SHANK2: variants seen among roughly 807,000 people sequenced by gnomAD.
SHANK2 encodes the protein SH3 and multiple ankyrin repeat domains protein 2.
In SHANK2, 43 loss-of-function variants were observed where a neutral mutation model predicts 133.7. The observed-to-expected ratio is 0.32, with a 90% CI of 0.25 to 0.41. The LOEUF is 0.41. Among genes scored for constraint, SHANK2 ranks in the 10% least tolerant of loss-of-function variants. SHANK2 has a pLI of 1.00. For missense variants in SHANK2, 1,994 were observed against 2,235.8 expected, an observed-to-expected ratio of 0.89 and a Z score of 2.18; for synonymous variants, 1,017 against 952.8, an observed-to-expected ratio of 1.07 and a Z score of -1.24.
At chr11:70,876,371 T>C (rs1261333056) in intron 11 of SHANK2, among the ~76,000 whole-genome samples, 75 of 150,708 alleles carry the variant, frequency 5.0e-4, no homozygotes, top group African/African-American at 1.6e-3. Context: ...CCATCCTGGC[T>C]AACACGGTGA....
chr11:70,737,499 C>T (rs181524776), intron 14 of SHANK2, among the ~76,000 whole-genome samples: 2 of 152,252 alleles, frequency 1.3e-5, no homozygotes, highest in African/African-American at 2.4e-5. Flanking sequence ...AGACTCTGTC[C>T]GAGTTCCCCA....
At chr11:70,710,965 T>G (rs1219722500) in intron 14 of SHANK2, among the ~76,000 whole-genome samples, 1 of 152,196 alleles carries the variant, frequency 6.6e-6, no homozygotes, top group African/African-American at 2.4e-5. Context: ...TGAAGATTTA[T>G]CTGCAATCTC....
chr11:70,907,965 G>C (rs1555078280), intron 10 of SHANK2: 5 of 446,786 alleles, frequency 1.1e-5, no homozygotes, highest in Non-Finnish European at 2.3e-5. Context: ...GCCAGGCATG[G>C]TGGCACGAAC....
intron 9 of SHANK2, among the ~76,000 whole-genome samples, chr11:71,067,283 G>A (rs944922292): frequency 1.3e-5 from 2 of 152,350 alleles, no homozygotes; most frequent in Middle Eastern, 6.8e-3. Context: ...ACCCTGGCTC[G>A]TGCTGGTATC....
At chr11:71,222,980 G>A (rs782255755) in intron 2 of SHANK2, among the ~76,000 whole-genome samples, 3 of 152,244 alleles carry the variant, frequency 2.0e-5, no homozygotes, top group Non-Finnish European at 2.9e-5. Flanking sequence ...CACCCTCCAC[G>A]GAGCCGTGTC....
At chr11:71,212,989 G>T (rs1954315710) in intron 2 of SHANK2, among the ~76,000 whole-genome samples, 2 of 151,732 alleles carry the variant, frequency 1.3e-5, no homozygotes, top group South Asian at 2.1e-4. Context: ...GGGACCCCAG[G>T]GGGAGGCACA....
At chr11:71,127,571 C>A (rs1952215221) in intron 3 of SHANK2, among the ~76,000 whole-genome samples, 1 of 152,160 alleles carries the variant, frequency 6.6e-6, no homozygotes, top group Non-Finnish European at 1.5e-5. Context: ...AGACACTCCA[C>A]CAACAAAAAC....
chr11:71,095,059 T>C (rs1343215403), intron 6 of SHANK2, among the ~76,000 whole-genome samples: 6 of 152,194 alleles, frequency 3.9e-5, no homozygotes, highest in African/African-American at 1.4e-4. Context: ...AAAGCCCTCA[T>C]TAGAGATGGG....
intron 8 of SHANK2, among the ~76,000 whole-genome samples, chr11:71,078,596 C>G (rs896784402): frequency 6.6e-6 from 1 of 152,136 alleles, no homozygotes; most frequent in African/African-American, 2.4e-5. Context: ...ACTCAGACAC[C>G]GGACCAAACT....
chr11:70,636,282 CATGT>C (rs1414372806), intron 17 of SHANK2, among the ~76,000 whole-genome samples: 2 of 151,960 alleles, frequency 1.3e-5, no homozygotes, highest in Non-Finnish European at 2.9e-5. Flanking sequence ...TGTGTGTGTA[CATGT>C]ATGAGTATGT....
intron 17 of SHANK2, among the ~76,000 whole-genome samples, chr11:70,543,585 C>T (rs1235329417): frequency 6.6e-6 from 1 of 152,216 alleles, no homozygotes; most frequent in Non-Finnish European, 1.5e-5. Context: ...GGCAGGGCAT[C>T]AAAGCTGCAC....
At chr11:70,894,597 CAA>C (rs1949905842) in intron 11 of SHANK2, among the ~76,000 whole-genome samples, 1 of 152,168 alleles carries the variant, frequency 6.6e-6, no homozygotes, top group Admixed American at 6.5e-5. Context: ...GTAGCAGCCC[CAA>C]TATCTCTCAG....
intron 2 of SHANK2, among the ~76,000 whole-genome samples, chr11:71,210,300 G>A (rs1237703261): frequency 7.0e-6 from 1 of 143,430 alleles, no homozygotes; most frequent in Non-Finnish European, 1.5e-5. Flanking sequence ...CCAGGCTGGA[G>A]TGCAATAGTG....
intron 10 of SHANK2, chr11:70,933,257 A>G (rs782515576): frequency 6.6e-5 from 30 of 455,804 alleles, no homozygotes; most frequent in African/African-American, 5.4e-4. Context: ...AGTGAAATAA[A>G]CCAGTCACAA....
At chr11:70,618,141 C>CA (rs1243349367) in intron 17 of SHANK2, among the ~76,000 whole-genome samples, 4 of 151,772 alleles carry the variant, frequency 2.6e-5, no homozygotes, top group Non-Finnish European at 4.4e-5. Context: ...ACTAAAAATA[C>CA]AAAAATTAGC....
At chr11:70,673,961 G>A (rs1041491804) in intron 15 of SHANK2, among the ~76,000 whole-genome samples, 3 of 152,248 alleles carry the variant, frequency 2.0e-5, no homozygotes, top group African/African-American at 7.2e-5. Flanking sequence ...TGATCCCAAT[G>A]TTGTTGGTGG....
In SHANK2 at chr11:71,083,766, G is replaced by A. The variant is rs1032250208; in HGVS notation, c.913-8491C>T. 2.2e-4 allele frequency among the ~76,000 whole-genome samples: 33 copies of A among 152,284 alleles called. No homozygotes were observed. The East Asian group carries it at 4.2e-3, about 20-fold the overall frequency. Reference sequence around the variant, plus strand: ...GGGCCAGCGTGCTGTGAAGTTGCACGGTGGATGTAAAAGTCTTTAGCAATT... The same window carrying A: ...GGGCCAGCGTGCTGTGAAGTTGCACAGTGGATGTAAAAGTCTTTAGCAATT... On this transcript the variant is annotated intron_variant, in intron 8 of 25. Coordinates refer to ENST00000601538, the MANE Select transcript of SHANK2 (RefSeq NM_012309.5).
At chr11:70,502,735 G>GGCC in intron 18 of SHANK2, 61 bp downstream of exon 18, 5 of 418,834 alleles carry the variant, frequency 1.2e-5, no homozygotes, top group South Asian at 4.4e-5. Flanking sequence ...TGTCCTGCCC[G>GGCC]CCCCCACCCC....
intron 3 of SHANK2, among the ~76,000 whole-genome samples, chr11:71,130,424 G>A (rs782365078): frequency 1.3e-5 from 2 of 152,234 alleles, no homozygotes; most frequent in Non-Finnish European, 2.9e-5. Flanking sequence ...TTTCCTGTGA[G>A]AGACTAAATT....
Sources: gnomAD v4.1 joint callset for allele counts (sites outside exome capture counted in the v4.1 genomes callset) on GRCh38, gnomAD v4.1.1 for gene constraint, MANE v1.5 for transcripts, NCBI Gene and HGNC (gene_info 2026-07-23, HGNC 2026-07-21) for gene names.